Variants in ASIC2 observed in about 807,000 individuals in gnomAD.
ASIC2 encodes acid sensing ion channel subunit 2, also known as acid-sensing ion channel 2.
A neutral mutation model predicts 57.3 loss-of-function variants in ASIC2; 25 were observed. That is an observed-to-expected ratio of 0.44 (90% CI 0.32 to 0.61). The LOEUF (loss-of-function observed/expected upper bound fraction) is 0.61, where lower values mean the gene tolerates loss of function less well. Among genes scored for constraint, ASIC2 ranks in the 20% least tolerant of loss-of-function variants. ASIC2 has a pLI of 0.06. For synonymous variants in ASIC2, 319 were observed against 307.5 expected (o/e 1.04, Z -0.39); for missense variants, 641 against 738.1 (o/e 0.87, Z 1.52).
chr17:33,768,590 T>C lies in ASIC2; in HGVS notation c.555+387388A>G, dbSNP rs571698719. Among the ~76,000 whole-genome samples, 5 of 152,280 alleles carry C rather than the reference T, an allele frequency of 3.3e-5. No individual in the cohort carries two copies. The East Asian group carries it at 9.6e-4, about 29-fold the overall frequency. ...ATAGAAGCAGGAGGCAGAGAAATCC[T>C]AGGCAGACAGGGGCAGGTCCCCAGT... On this transcript the variant is annotated intron_variant, in intron 1 of 9. Coordinates refer to the ASIC2 transcript ENST00000359872.
intron 1 of ASIC2, chr17:33,932,525 C>T (rs1915952337): frequency 6.6e-6 from 1 of 151,096 alleles, no homozygotes; most frequent in Admixed American, 6.6e-5. Flanking sequence ...ACCACCCTGA[C>T]CAACATGGAG....
intron 1 of ASIC2, among the ~76,000 whole-genome samples, chr17:33,336,872 T>C (rs1220341011): frequency 2.0e-5 from 3 of 152,158 alleles, no homozygotes; most frequent in Non-Finnish European, 4.4e-5. Context: ...GGGTCAGCTT[T>C]GTCAATGCGC....
At chr17:33,882,566 A>G (rs1369011634) in intron 1 of ASIC2, among the ~76,000 whole-genome samples, 1 of 152,234 alleles carries the variant, frequency 6.6e-6, no homozygotes, top group Non-Finnish European at 1.5e-5. Context: ...ATGAGATACC[A>G]TCTCACACCA....
intron 1 of ASIC2, among the ~76,000 whole-genome samples, chr17:33,366,150 T>G (rs1240372359): frequency 6.6e-6 from 1 of 152,264 alleles, no homozygotes. Flanking sequence ...AGTGGAGCCC[T>G]GCTCTTGACT....
At chr17:33,902,598 G>A (rs562753783) in intron 1 of ASIC2, among the ~76,000 whole-genome samples, 9 of 152,264 alleles carry the variant, frequency 5.9e-5, no homozygotes, top group East Asian at 1.9e-4. Context: ...ATTCCATGCC[G>A]GCCGGGCTGG....
intron 1 of ASIC2, among the ~76,000 whole-genome samples, chr17:33,373,780 C>T (rs1157502069): frequency 1.3e-5 from 2 of 152,024 alleles, no homozygotes; most frequent in South Asian, 2.1e-4. Flanking sequence ...TGGGTTCAAG[C>T]GATATTCCCT....
chr17:33,291,106 C>T, intron 1 of ASIC2: 1 of 423,810 alleles, frequency 2.4e-6, no homozygotes, highest in South Asian at 8.3e-5. Flanking sequence ...AGGAGGCTGA[C>T]TAATATTCAC....
chr17:34,024,812 A>G (rs992111315), intron 1 of ASIC2, among the ~76,000 whole-genome samples: 2 of 152,182 alleles, frequency 1.3e-5, no homozygotes, highest in Admixed American at 6.5e-5. Context: ...GATCATGTAC[A>G]CCTGGATAGG....
intron 1 of ASIC2, chr17:34,006,550 T>C (rs1216116091): frequency 6.6e-6 from 1 of 152,236 alleles, no homozygotes; most frequent in East Asian, 1.9e-4. Flanking sequence ...TTTTAGGTTT[T>C]TCTTAGGTGA....
intron 1 of ASIC2, among the ~76,000 whole-genome samples, chr17:33,195,735 T>G (rs189689765): frequency 4.6e-5 from 7 of 152,318 alleles, no homozygotes; most frequent in African/African-American, 1.7e-4. Context: ...CCAAATGGCT[T>G]GCCGAAGGTC....
At chr17:34,105,832 A>G (rs1266346352) in intron 1 of ASIC2, among the ~76,000 whole-genome samples, 1 of 152,070 alleles carries the variant, frequency 6.6e-6, no homozygotes, top group African/African-American at 2.4e-5. Context: ...ATTTATCACT[A>G]AATAATTCAA....
In ASIC2 at chr17:33,291,609, C is replaced by A. The variant is rs1905453929; in HGVS notation, c.507G>T (p.Pro169=). 7 of 1,607,772 alleles carry A rather than the reference C, an allele frequency of 4.4e-6. No individual in the cohort carries two copies. The highest frequency in any genetic ancestry group is 5.9e-6 in the Non-Finnish European group (7 of 1,177,940). ...CGCCCCGCAGCAGCTCGCTGACAAG[C>A]GGGCGCGCGGTGCGGTTGGGCAGCA... The part of the protein sequence containing the change: ...GLLLPNRTAR[P]LVSELLRGDE... The change falls in exon 1 of 10, where the codon CCG becomes CCT. Residue 169 remains proline, a synonymous_variant. Coordinates refer to ENST00000225823, the MANE Select transcript of ASIC2 (RefSeq NM_183377.2).
chr17:33,788,421 G>A (rs947929952), intron 1 of ASIC2, among the ~76,000 whole-genome samples: 1 of 152,160 alleles, frequency 6.6e-6, no homozygotes, highest in African/African-American at 2.4e-5. Context: ...TGGAGAGATG[G>A]TGGAGAAATA....
intron 1 of ASIC2, among the ~76,000 whole-genome samples, chr17:33,556,342 G>A (rs1915908348): frequency 6.6e-6 from 1 of 152,214 alleles, no homozygotes. Context: ...TGGAGTTTAA[G>A]AGCCCTGACA....
chr17:33,560,508 T>C (rs1443340322), intron 1 of ASIC2, among the ~76,000 whole-genome samples: 2 of 152,192 alleles, frequency 1.3e-5, no homozygotes, highest in Non-Finnish European at 2.9e-5. Flanking sequence ...TGGGCAGCAA[T>C]GTATCTAGGA....
At chr17:33,171,320 T>G (rs555245828) in intron 1 of ASIC2, among the ~76,000 whole-genome samples, 22 of 152,314 alleles carry the variant, frequency 1.4e-4, no homozygotes, top group African/African-American at 5.3e-4. Flanking sequence ...TAAATCCCAT[T>G]GCTTACTTAA....
chr17:33,061,222 G>A (rs1454507705), intron 3 of ASIC2, among the ~76,000 whole-genome samples: 7 of 152,162 alleles, frequency 4.6e-5, no homozygotes, highest in South Asian at 2.1e-4. Context: ...GTGAGAGAGG[G>A]CACTCCTGTC....
At chr17:33,555,663 C>T (rs1228283364) in intron 1 of ASIC2, among the ~76,000 whole-genome samples, 1 of 152,086 alleles carries the variant, frequency 6.6e-6, no homozygotes, top group Non-Finnish European at 1.5e-5. Flanking sequence ...AAGGATGGAG[C>T]TTATGCTCAG....
chr17:33,614,550 C>G (rs1163449256), intron 1 of ASIC2, among the ~76,000 whole-genome samples: 1 of 152,176 alleles, frequency 6.6e-6, no homozygotes, highest in Non-Finnish European at 1.5e-5. Flanking sequence ...CGCCAAGGGG[C>G]TAGATGGTAT....
Sources: gnomAD v4.1 joint callset for allele counts (sites outside exome capture counted in the v4.1 genomes callset) on GRCh38, gnomAD v4.1.1 for gene constraint, MANE v1.5 for transcripts, NCBI Gene and HGNC (gene_info 2026-07-23, HGNC 2026-07-21) for gene names.